Variants in ROR2 observed in about 807,000 individuals in gnomAD.
ROR2 encodes the protein tyrosine-protein kinase transmembrane receptor ROR2.
Under a neutral mutation model 74.9 loss-of-function variants are expected in ROR2, and 33 were observed. The ratio of observed to expected loss-of-function variants is 0.44; its 90% CI spans 0.33 to 0.59. The LOEUF (loss-of-function observed/expected upper bound fraction) is 0.59. Among genes scored for constraint, ROR2 ranks in the 20% least tolerant of loss-of-function variants. ROR2 has a pLI of 0.02. For missense variants in ROR2, 1,216 were observed against 1,313.8 expected (o/e 0.93, Z 1.15); for synonymous variants, 586 against 558.7 (o/e 1.05, Z -0.69).
chr9:91,757,626 G>A (rs1825801641), intron 2 of ROR2, 67 bp from the exon 3 acceptor site: 2 of 1,556,220 alleles, frequency 1.3e-6, no homozygotes, highest in East Asian at 2.3e-5. Context: ...CTACCTGGGG[G>A]CTCTGCTATG....
intron 4 of ROR2, chr9:91,755,868 C>A: frequency 1.6e-6 from 1 of 629,656 alleles, no homozygotes. Flanking sequence ...TTTTGTTTTT[C>A]TGACTTTTTT....
In ROR2 at chr9:91,905,552, A is replaced by G. The variant is rs1311453285; in HGVS notation, c.97+44315T>C. ...ACAACCCAACATACACAGACACAATACAACACATACACAAACATACAACAC... is the reference window on the plus strand; with the variant it reads ...ACAACCCAACATACACAGACACAATGCAACACATACACAAACATACAACAC... On this transcript the variant is annotated intron_variant, in intron 1 of 8. Coordinates refer to ENST00000375708, the MANE Select transcript of ROR2 (RefSeq NM_004560.4). This position sits in a 1 kb window ranked among gnomAD's most constrained non-coding sequence, Gnocchi z 5.3. Among the ~76,000 whole-genome samples the G allele has an allele frequency of 1.3e-5, 2 of 151,732 alleles. No individual in the cohort carries two copies. The highest frequency in any genetic ancestry group is 1.9e-4 in the East Asian group (1 of 5,186).
intron 1 of ROR2, among the ~76,000 whole-genome samples, chr9:91,802,300 T>A (rs1333759635): frequency 2.6e-5 from 4 of 151,918 alleles, no homozygotes; most frequent in African/African-American, 7.3e-5. Flanking sequence ...ATGGTCTCGA[T>A]CTGCTGACCT....
chr9:91,930,997 G>A (rs1026682051), intron 1 of ROR2, among the ~76,000 whole-genome samples: 3 of 152,008 alleles, frequency 2.0e-5, no homozygotes, highest in African/African-American at 7.3e-5. Context: ...TAATCACTTG[G>A]ATTTGGACAG....
intron 1 of ROR2, among the ~76,000 whole-genome samples, chr9:91,832,221 C>A (rs1204895970): frequency 6.6e-6 from 1 of 152,100 alleles, no homozygotes; most frequent in Non-Finnish European, 1.5e-5. Context: ...TTTGGATTAA[C>A]ACTGGTACAA....
chr9:91,882,784 T>C (rs1830155056), intron 1 of ROR2, among the ~76,000 whole-genome samples: 1 of 151,662 alleles, frequency 6.6e-6, no homozygotes, highest in Admixed American at 6.6e-5. Flanking sequence ...CACAGAGAGG[T>C]GCCCACGTGA....
chr9:91,850,299 A>T (rs1267301630), intron 1 of ROR2, among the ~76,000 whole-genome samples: 1 of 152,230 alleles, frequency 6.6e-6, no homozygotes, highest in Non-Finnish European at 1.5e-5. Context: ...CAGAGTAAGG[A>T]TCCACCCAAG....
intron 1 of ROR2, among the ~76,000 whole-genome samples, chr9:91,934,495 C>T (rs118120292): frequency 0.031 from 4,718 of 152,210 alleles, 122 homozygotes; most frequent in Non-Finnish European, 0.046. Context: ...AAGCACACAG[C>T]AGGCCTTAGT....
intron 5 of ROR2, 82 bp downstream of exon 5, chr9:91,737,309 A>G: frequency 6.3e-7 from 1 of 1,578,510 alleles, no homozygotes; most frequent in East Asian, 2.2e-5. Flanking sequence ...CCATTAACTG[A>G]TGAAACACAG....
Position 91,949,876 on chromosome 9 carries a change from G to C in ROR2, c.88C>G (p.Arg30Gly), listed in dbSNP as rs1348200999. The change falls in exon 1 of 9, where the codon CGG (arginine) becomes GGG (glycine). Residue 30 changes from arginine to glycine, a missense_variant. Transcript: ENST00000375708. ...GAACGCCAGATCCTACCTGAAGTCC[G>C]GGACACTGAGAGCAGAAGCGCGGCG... ...AAAALLLSVS[R>G]TSGEVEVLDP... is the part of the protein sequence containing the mutation. 3 of 1,538,970 alleles carry C rather than the reference G, an allele frequency of 1.9e-6. No individual in the cohort carries two copies. Among genetic ancestry groups the C allele is most frequent in the African/African-American group, 2.8e-5 (2 of 72,462 alleles).
intron 2 of ROR2, among the ~76,000 whole-genome samples, chr9:91,768,237 A>G (rs1286076518): frequency 6.6e-6 from 1 of 151,890 alleles, no homozygotes; most frequent in Non-Finnish European, 1.5e-5. Flanking sequence ...AAACATTCTG[A>G]TGTCTTAAGG....
intron 1 of ROR2, among the ~76,000 whole-genome samples, chr9:91,778,305 G>C (rs1056408437): frequency 6.6e-5 from 10 of 152,248 alleles, no homozygotes; most frequent in Non-Finnish European, 1.5e-4. Flanking sequence ...GAATGACTTT[G>C]TGACAACCTC....
intron 1 of ROR2, among the ~76,000 whole-genome samples, chr9:91,823,365 T>C (rs1422515586): frequency 6.6e-6 from 1 of 152,004 alleles, no homozygotes; most frequent in Non-Finnish European, 1.5e-5. Context: ...GACGGAATCT[T>C]GCTCTCTCGC....
chr9:91,839,683 GGGTGTGTGTGTGTTGTATGT>G (rs1330490188), intron 1 of ROR2, among the ~76,000 whole-genome samples: 2 of 150,646 alleles, frequency 1.3e-5, no homozygotes. Context: ...CATATGGTGT[GGGTGTGTGTGTGTTGTATGT>G]GGTGTGTGTG....
At chr9:91,852,624 AACACACACACACAC>A (rs59759515) in intron 1 of ROR2, among the ~76,000 whole-genome samples, 1 of 123,830 alleles carries the variant, frequency 8.1e-6, no homozygotes, top group Non-Finnish European at 1.6e-5. Flanking sequence ...AAAACACACA[AACACACACACACAC>A]ACACACACAC....
chr9:91,757,793 C>T (rs769129660), intron 2 of ROR2, among the ~76,000 whole-genome samples: 1 of 152,152 alleles, frequency 6.6e-6, no homozygotes, highest in Non-Finnish European at 1.5e-5. Flanking sequence ...GTGAGCCTCT[C>T]GTCATAATAC....
rs767456619 is a variant in ROR2 at position 91,730,956 on chromosome 9, C to T, written c.1137G>A (p.Thr379=). Residue 379 remains threonine, a synonymous_variant, in exon 7 of 9, where the codon ACG becomes ACA. Coordinates refer to ENST00000375708, the MANE Select transcript of ROR2 (RefSeq NM_004560.4). Reference sequence around the variant, plus strand: ...GTTCCATGCGTACGTTTTTATTCTGCGTAAAGCACCAGGGGCCCTCCATCT... The same window carrying T: ...GTTCCATGCGTACGTTTTTATTCTGTGTAAAGCACCAGGGGCCCTCCATCT... ...GGQMEGPWCF[T]QNKNVRMELC... 3.4e-5 allele frequency: 55 copies of T among 1,614,034 alleles called. No individual in the cohort carries two copies. The highest frequency in any genetic ancestry group is 3.1e-4 in the African/African-American group (23 of 74,916).
intron 1 of ROR2, among the ~76,000 whole-genome samples, chr9:91,908,344 T>C (rs1412404907): frequency 6.6e-6 from 1 of 152,264 alleles, no homozygotes; most frequent in Admixed American, 6.5e-5. Flanking sequence ...GAACATCTCC[T>C]GACCATGCAA....
At chr9:91,755,784 C>A (rs1825730359) in intron 4 of ROR2, among the ~76,000 whole-genome samples, 1 of 152,400 alleles carries the variant, frequency 6.6e-6, no homozygotes, top group Middle Eastern at 3.4e-3. Flanking sequence ...GGTGCCCAGG[C>A]AACCTGGCCT....
Sources: gnomAD v4.1 joint callset for allele counts (sites outside exome capture counted in the v4.1 genomes callset) on GRCh38, gnomAD v4.1.1 for gene constraint, Gnocchi (gnomAD v3.1) non-coding constraint, MANE v1.5 for transcripts, NCBI Gene and HGNC (gene_info 2026-07-23, HGNC 2026-07-21) for gene names.